CD68: variants seen among roughly 807,000 people sequenced by gnomAD.
CD68 encodes the protein macrosialin.
In CD68, 24 loss-of-function variants were observed where a neutral mutation model predicts 31.3. That is an observed-to-expected ratio of 0.77 (90% confidence interval 0.55 to 1.08). The LOEUF (loss-of-function observed/expected upper bound fraction) is 1.08. Among genes scored for constraint, CD68 ranks in the 50% least tolerant of loss-of-function variants. The pLI is 0.00. For synonymous variants in CD68, 190 were observed against 179.6 expected (o/e 1.06, Z -0.46); for missense variants, 461 against 442.5 (o/e 1.04, Z -0.38).
rs2071486439 is a variant in CD68 at position 7,581,616 on chromosome 17, C to G, written c.*105C>G. On this transcript the variant is annotated 3_prime_UTR_variant, in exon 6 of 6. Coordinates refer to ENST00000250092, the MANE Select transcript of CD68 (RefSeq NM_001251.3). ...GCTCAAAGACAATGTTATTTTCCTT[C>G]CCTTTCTTGAAGAACAAAAAGAAAG... The G allele has an allele frequency of 1.6e-6, 2 of 1,271,292 alleles. No homozygotes were observed. The highest frequency in any genetic ancestry group is 2.0e-5 in the Admixed American group (1 of 49,894). The allele number at this position is 1,271,292 out of a possible 1,614,324, so 78.8% of individuals were successfully genotyped here. A position where few individuals can be genotyped will look rare whatever the true frequency, so the allele number is the denominator to read the frequency against.
Position 7,581,506 on chromosome 17 carries a change from C to CTCTGAGCAT in CD68, c.1062_*5dup. ...GAGACGCCCATCCGCCTACCAGGCC[C>CTCTGAGCAT]TCTGAGCATTTGCTTCAAACCCCAG... is the stretch of plus-strand genomic sequence containing the variant. On this transcript the variant is annotated stop_gained and inframe_insertion, in exon 6 of 6. Coordinates refer to ENST00000250092, the MANE Select transcript of CD68 (RefSeq NM_001251.3). LOFTEE classifies it high-confidence loss of function. 2 of 1,614,146 alleles carry CTCTGAGCAT rather than the reference C, an allele frequency of 1.2e-6. No individual in the cohort carries two copies. Among genetic ancestry groups the CTCTGAGCAT allele is most frequent in the Non-Finnish European group, 1.7e-6 (2 of 1,180,032 alleles).
Position 7,581,367 on chromosome 17 carries a change from C to T in CD68, c.932-11C>T, listed in dbSNP as rs1378100679. ...CACTGCAAATACCTACCTGCCCTATCCTTCCGCCAGGTTTCTCCTGCCCCA... is the reference window on the plus strand; with the variant it reads ...CACTGCAAATACCTACCTGCCCTATTCTTCCGCCAGGTTTCTCCTGCCCCA... On this transcript the variant is annotated splice_polypyrimidine_tract_variant and intron_variant, in intron 5 of 5. Coordinates refer to ENST00000250092, the MANE Select transcript of CD68 (RefSeq NM_001251.3). 6.2e-7 allele frequency: 1 copy of T among 1,614,014 alleles called. No individual in the cohort carries two copies. Among genetic ancestry groups the T allele is most frequent in the African/African-American group, 1.3e-5 (1 of 74,914 alleles).
Position 7,581,567 on chromosome 17 carries a change from C to A in CD68, c.*56C>A. 6.4e-7 allele frequency: 1 copy of A among 1,570,226 alleles called. No individual in the cohort carries two copies. Among genetic ancestry groups the A allele is most frequent in the Non-Finnish European group, 8.8e-7 (1 of 1,142,588 alleles). On this transcript the variant is annotated 3_prime_UTR_variant, in exon 6 of 6. Transcript: ENST00000250092. ...GGGTTGGGGTGTGGTGGGGGGGTAC[C>A]CTTATTTCCTCGACACGCAACTGGC...
At position 7,580,574 on chromosome 17, in the gene CD68, G is replaced by C. The variant is rs1357772759; in HGVS notation, c.676G>C (p.Gly226Arg). 1 of 1,613,844 alleles carries C rather than the reference G, an allele frequency of 6.2e-7. No individual in the cohort carries two copies. Among genetic ancestry groups the C allele is most frequent in the Non-Finnish European group, 8.5e-7 (1 of 1,179,976 alleles). ...LSFPYGHLSFGFMQDLQQKVV... is the reference protein window; with the variant it reads ...LSFPYGHLSFRFMQDLQQKVV... ...ATTCCCCTATGGACACCTCAGCTTT[G>C]GATTCATGCAGGTATAGCCATGACC... is the stretch of plus-strand genomic sequence containing the variant. Residue 226 changes from glycine to arginine, a missense_variant, in exon 3 of 6, where the codon GGA becomes CGA. Physicochemically the swap from Gly to Arg is moderately radical, Grantham distance 125. Coordinates refer to ENST00000250092, the MANE Select transcript of CD68 (RefSeq NM_001251.3). This position sits in a 1 kb window ranked among gnomAD's most constrained non-coding sequence, Gnocchi z 4.3.
intron 5 of CD68, 76 bp from the exon 6 acceptor site, chr17:7,581,302 C>T: frequency 1.3e-6 from 2 of 1,566,590 alleles, no homozygotes. Flanking sequence ...CCCCAGCATC[C>T]CCCCATTCCC....
chr17:7,580,985 C>A lies in CD68; in HGVS notation c.850C>A (p.Leu284Ile). 1 of 1,614,052 alleles carries A rather than the reference C, an allele frequency of 6.2e-7. No individual in the cohort carries two copies. The highest frequency in any genetic ancestry group is 2.2e-5 in the East Asian group (1 of 44,868). ...SFSCSNSSII[L>I]SPAVHLDLLS... ...CAGTTGCAGCAACTCGAGCATCATT[C>A]TTTCACCAGCTGTCCACCTCGACCT... The change falls in exon 5 of 6, where the codon CTT (leucine) becomes ATT (isoleucine). Residue 284 changes from leucine to isoleucine, a missense_variant. Physicochemically the swap from Leu to Ile is conservative, Grantham distance 5. Transcript: ENST00000250092. This position sits in a 1 kb window ranked among gnomAD's most constrained non-coding sequence, Gnocchi z 4.3.
At position 7,579,670 on chromosome 17, in the gene CD68, G is replaced by T. The variant is rs770772175; in HGVS notation, c.-8G>T. 2 of 1,602,220 alleles carry T rather than the reference G, an allele frequency of 1.2e-6. No individual in the cohort carries two copies. The highest frequency in any genetic ancestry group is 3.4e-5 in the Admixed American group (2 of 58,400). ...GCCTAGCTGGACTTTGGGTGAGGCG[G>T]TTCAGCCATGAGGCTGGCTGTGCTT... is the stretch of plus-strand genomic sequence containing the variant. On this transcript the variant is annotated 5_prime_UTR_variant, in exon 1 of 6. Coordinates refer to ENST00000250092, the MANE Select transcript of CD68 (RefSeq NM_001251.3).
In CD68 at chr17:7,580,425, C is replaced by G; in HGVS notation, c.568-41C>G. On this transcript the variant is annotated intron_variant, in intron 2 of 5. Transcript: ENST00000250092. The surrounding 1 kb of genome is among the most constrained non-coding windows in gnomAD (Gnocchi z 4.3). ...GGGGACAGGGAACCTTGGCCGGCAT[C>G]GCATGCAGTCTTGTGACCTTCCAGT... 6.2e-7 allele frequency: 1 copy of G among 1,612,302 alleles called. No homozygotes were observed. The highest frequency in any genetic ancestry group is 1.1e-5 in the South Asian group (1 of 91,016).
rs1457878002 is a variant in CD68, at chr17:7,580,251, A to G, written c.491A>G (p.Asn164Ser). 3.1e-6 allele frequency: 5 copies of G among 1,613,506 alleles called. No individual in the cohort carries two copies. The highest frequency in any genetic ancestry group is 1.1e-5 in the South Asian group (1 of 91,038). Residue 164 changes from asparagine to serine, a missense_variant, in exon 2 of 6, where the codon AAT becomes AGT. Physicochemically the swap from Asn to Ser is conservative, Grantham distance 46. Transcript: ENST00000250092. The surrounding 1 kb of genome is among the most constrained non-coding windows in gnomAD (Gnocchi z 4.3). ...KETIGDYTWT[N>S]GSQPCVHLQA... ...ACCATTGGAGACTACACGTGGACCAATGGTTCCCAGCCCTGTGTCCACCTC... is the reference window on the plus strand; with the variant it reads ...ACCATTGGAGACTACACGTGGACCAGTGGTTCCCAGCCCTGTGTCCACCTC...
At position 7,581,472 on chromosome 17, in the gene CD68, C is replaced by T. The variant is rs140596584; in HGVS notation, c.1026C>T (p.Cys342=). 4.2e-4 allele frequency: 680 copies of T among 1,613,952 alleles called. 3 individuals are homozygous for T. The Middle Eastern group carries it at 0.011, about 26-fold the overall frequency. The change falls in exon 6 of 6, where the codon TGC becomes TGT. Residue 342 remains cysteine, a synonymous_variant. Transcript: ENST00000250092. ...TCGCCCTGGTGCTTATTGCTTTCTG[C>T]ATCATCCGGAGACGCCCATCCGCCT... ...GLLALVLIAF[C]IIRRRPSAYQ...
At position 7,581,601 on chromosome 17, in the gene CD68, A is replaced by G. The variant is rs2150930855; in HGVS notation, c.*90A>G. ...CTCGACACGCAACTGGCTCAAAGAC[A>G]ATGTTATTTTCCTTCCCTTTCTTGA... On this transcript the variant is annotated 3_prime_UTR_variant, in exon 6 of 6. Transcript: ENST00000250092. 1 of 1,368,574 alleles carries G rather than the reference A, an allele frequency of 7.3e-7. No individual in the cohort carries two copies. Among genetic ancestry groups the G allele is most frequent in the East Asian group, 2.3e-5 (1 of 43,428 alleles). 84.8% of individuals were successfully genotyped at this position (1,368,574 alleles called of 1,614,324 possible).
Position 7,580,833 on chromosome 17 carries a change from C to T in CD68, c.760+50C>T. ...ATTGCTACCACTAGACGCCAGGGTT[C>T]CTGAAAGGACTAAGCTGGGGCCAGG... On this transcript the variant is annotated intron_variant, in intron 4 of 5. Transcript: ENST00000250092. The surrounding 1 kb of genome is among the most constrained non-coding windows in gnomAD (Gnocchi z 4.3). 1.2e-6 allele frequency: 2 copies of T among 1,613,548 alleles called. No individual in the cohort carries two copies. Among genetic ancestry groups the T allele is most frequent in the Non-Finnish European group, 1.7e-6 (2 of 1,179,532 alleles).
In CD68 at chr17:7,580,578, T is replaced by A. The variant is rs1173602971; in HGVS notation, c.680T>A (p.Phe227Tyr). 3.1e-6 allele frequency: 5 copies of A among 1,613,974 alleles called. No homozygotes were observed. Among genetic ancestry groups the A allele is most frequent in the Non-Finnish European group, 2.5e-6 (3 of 1,179,982 alleles). The change falls in exon 3 of 6, where the codon TTC becomes TAC. Residue 227 changes from phenylalanine to tyrosine, a missense_variant. Transcript: ENST00000250092. The surrounding 1 kb of genome is among the most constrained non-coding windows in gnomAD (Gnocchi z 4.3). ...SFPYGHLSFG[F>Y]MQDLQQKVVY... ...CCCTATGGACACCTCAGCTTTGGAT[T>A]CATGCAGGTATAGCCATGACCTCAG...
At position 7,581,978 on chromosome 17, in the gene CD68, G is replaced by A. The variant is rs986484126; in HGVS notation, c.*467G>A. ...TATGAGATAATGCAGTCGGGAGAAG[G>A]GAGGGAGAGAATTTTATTAAATGTG... On this transcript the variant is annotated 3_prime_UTR_variant, in exon 6 of 6. Transcript: ENST00000250092. 7.9e-5 allele frequency: 12 copies of A among 151,050 alleles called. No individual in the cohort carries two copies. Among genetic ancestry groups the A allele is most frequent in the African/African-American group, 3.0e-4 (12 of 40,378 alleles). 9.4% of individuals were successfully genotyped at this position (151,050 alleles called of 1,614,324 possible). A position where few individuals can be genotyped will look rare whatever the true frequency, so the allele number is the denominator to read the frequency against.
rs1395822983 is a variant in CD68 at position 7,581,592 on chromosome 17, C to T, written c.*81C>T. The T allele has an allele frequency of 1.7e-5, 24 of 1,415,810 alleles. No homozygotes were observed. Among genetic ancestry groups the T allele is most frequent in the Non-Finnish European group, 2.3e-5 (23 of 1,011,060 alleles). The allele number at this position is 1,415,810 out of a possible 1,614,324, so 87.7% of individuals were successfully genotyped here. A position where few individuals can be genotyped will look rare whatever the true frequency, so the allele number is the denominator to read the frequency against. ...CCTTATTTCCTCGACACGCAACTGG[C>T]TCAAAGACAATGTTATTTTCCTTCC... is the stretch of plus-strand genomic sequence containing the variant. On this transcript the variant is annotated 3_prime_UTR_variant, in exon 6 of 6. Coordinates refer to ENST00000250092, the MANE Select transcript of CD68 (RefSeq NM_001251.3).
chr17:7,579,752 G>C, intron 1 of CD68, 26 bp downstream of exon 1: 1 of 1,602,188 alleles, frequency 6.2e-7, no homozygotes, highest in Non-Finnish European at 8.5e-7. Flanking sequence ...GCTGAGGGGA[G>C]GGGGCCCCTG....
rs2071486721 is a variant in CD68 at position 7,581,637 on chromosome 17, G to C, written c.*126G>C. On this transcript the variant is annotated 3_prime_UTR_variant, in exon 6 of 6. Coordinates refer to ENST00000250092, the MANE Select transcript of CD68 (RefSeq NM_001251.3). ...CCTTCCCTTTCTTGAAGAACAAAAA[G>C]AAAGCCGGGCATGACGGCTCATGCC... The C allele has an allele frequency of 2.7e-6, 3 of 1,094,932 alleles. No homozygotes were observed. The highest frequency in any genetic ancestry group is 2.9e-5 in the South Asian group (2 of 68,006). The allele number at this position is 1,094,932 out of a possible 1,614,324, so 67.8% of individuals were successfully genotyped here. A position where few individuals can be genotyped will look rare whatever the true frequency, so the allele number is the denominator to read the frequency against.
rs751736567 is a variant in CD68 at position 7,579,813 on chromosome 17, A to G, written c.53A>G (p.Gln18Arg). ...SGALLGLLAA[Q>R]GTGNDCPHKK... ...ACCATCTCCTCTCTGCCAAAAGCCC[A>G]GGGGACAGGGAATGACTGTCCTCAC... Residue 18 changes from glutamine (Q) to arginine (R), a missense_variant, in exon 2 of 6, where the codon CAG becomes CGG. Coordinates refer to ENST00000250092, the MANE Select transcript of CD68 (RefSeq NM_001251.3). The G allele has an allele frequency of 1.9e-6, 3 of 1,612,714 alleles. No individual in the cohort carries two copies. Among genetic ancestry groups the G allele is most frequent in the African/African-American group, 1.3e-5 (1 of 74,968 alleles).
In CD68 at chr17:7,580,400, G is replaced by A. The variant is rs1305321864; in HGVS notation, c.568-66G>A. The A allele has an allele frequency of 6.2e-7, 1 of 1,610,412 alleles. No individual in the cohort carries two copies. The highest frequency in any genetic ancestry group is 8.5e-7 in the Non-Finnish European group (1 of 1,177,498). ...ATAGGCTCAGAGGGAAGAAGGAAGAGGGGACAGGGAACCTTGGCCGGCATC... is the reference window on the plus strand; with the variant it reads ...ATAGGCTCAGAGGGAAGAAGGAAGAAGGGACAGGGAACCTTGGCCGGCATC... On this transcript the variant is annotated intron_variant, in intron 2 of 5. Transcript: ENST00000250092. The surrounding 1 kb of genome is among the most constrained non-coding windows in gnomAD (Gnocchi z 4.3).
Sources: allele counts gnomAD v4.1 joint callset, GRCh38; gene constraint gnomAD v4.1.1; non-coding constraint Gnocchi (gnomAD v3.1); transcripts MANE v1.5; gene names NCBI Gene and HGNC (gene_info 2026-07-23, HGNC 2026-07-21).